Variants in KIAA0825 observed in about 807,000 individuals in gnomAD.
KIAA0825 encodes the protein KIAA0825, also known as uncharacterized protein KIAA0825.
A neutral mutation model predicts 147.6 loss-of-function variants in KIAA0825; 119 were observed. The ratio of observed to expected loss-of-function variants is 0.81; its 90% confidence interval spans 0.69 to 0.94. The LOEUF is 0.94. Ranked by LOEUF, KIAA0825 falls within the 40% of genes least tolerant of loss-of-function variation. KIAA0825 has a pLI of 0.00. For synonymous variants in KIAA0825, 470 were observed against 518.1 expected, an observed-to-expected ratio of 0.91 and a Z score of 1.26; for missense variants, 1,381 against 1,472.7, an observed-to-expected ratio of 0.94 and a Z score of 1.02.
intron 17 of KIAA0825, 130 bp from the exon 18 acceptor site, chr5:94,391,824 T>G: frequency 2.6e-6 from 2 of 768,076 alleles, no homozygotes; most frequent in Non-Finnish European, 3.9e-6. Context: ...TACGCTGAAA[T>G]AGGTAAGCCT....
chr5:94,307,568 T>G (rs1237595965), intron 20 of KIAA0825, among the ~76,000 whole-genome samples: 1 of 151,764 alleles, frequency 6.6e-6, no homozygotes, highest in African/African-American at 2.4e-5. Flanking sequence ...GTCTCCAAAA[T>G]GCGATATGCT....
intron 20 of KIAA0825, among the ~76,000 whole-genome samples, chr5:94,219,123 C>G (rs139778255): frequency 6.6e-6 from 1 of 151,960 alleles, no homozygotes; most frequent in African/African-American, 2.4e-5. Context: ...ATGATTAAAG[C>G]GCATTACATT....
chr5:94,246,458 G>A lies in KIAA0825; in HGVS notation c.3711-92334C>T, dbSNP rs78650915. Among the ~76,000 whole-genome samples, 723 of 152,188 alleles carry A rather than the reference G, an allele frequency of 4.8e-3. 4 individuals are homozygous for A. Among genetic ancestry groups the A allele is most frequent in the African/African-American group, 0.017 (699 of 41,522 alleles). ...ACCACACCGTAACCAGATAGGGTGC[G>A]TGTGTGCCTTGGGAGAGTGGGTGGG... On this transcript the variant is annotated intron_variant, in intron 20 of 20. Transcript: ENST00000682413.
At chr5:94,544,707 T>G (rs1773985639) in intron 2 of KIAA0825, among the ~76,000 whole-genome samples, 1 of 152,164 alleles carries the variant, frequency 6.6e-6, no homozygotes, top group Non-Finnish European at 1.5e-5. Flanking sequence ...ATTTTCTACC[T>G]TTTAATGTCT....
intron 10 of KIAA0825, among the ~76,000 whole-genome samples, chr5:94,467,561 C>T (rs924571462): frequency 2.0e-5 from 3 of 152,210 alleles, no homozygotes; most frequent in Non-Finnish European, 2.9e-5. Flanking sequence ...ACTGTGCCAT[C>T]GTGACCAGCA....
At chr5:94,174,686 C>A (rs1768926518) in intron 20 of KIAA0825, among the ~76,000 whole-genome samples, 1 of 152,034 alleles carries the variant, frequency 6.6e-6, no homozygotes, top group South Asian at 2.1e-4. Context: ...AAACTATAAC[C>A]CTTTTAAATA....
intron 3 of KIAA0825, among the ~76,000 whole-genome samples, chr5:94,532,504 C>CTCTTTCCTTT (rs1386796533): frequency 6.6e-6 from 1 of 151,720 alleles, no homozygotes; most frequent in African/African-American, 2.4e-5. Flanking sequence ...TCCTCCCTCC[C>CTCTTTCCTTT]TCTTTCCTTT....
intron 20 of KIAA0825, among the ~76,000 whole-genome samples, chr5:94,160,700 A>C (rs528617112): frequency 6.0e-5 from 9 of 150,132 alleles, no homozygotes; most frequent in Non-Finnish European, 1.2e-4. Flanking sequence ...TGTATATTTA[A>C]TATATAATAT....
chr5:94,161,646 T>G (rs1767598613), intron 20 of KIAA0825, among the ~76,000 whole-genome samples: 9 of 152,248 alleles, frequency 5.9e-5, no homozygotes, highest in Admixed American at 5.9e-4. Flanking sequence ...TTTTTTCACA[T>G]GTATCTTTTC....
At chr5:94,421,905 G>C (rs940331330) in intron 14 of KIAA0825, among the ~76,000 whole-genome samples, 5 of 152,146 alleles carry the variant, frequency 3.3e-5, no homozygotes, top group Admixed American at 6.6e-5. Context: ...GAAACCTAGT[G>C]AAAGTCAACA....
intron 2 of KIAA0825, among the ~76,000 whole-genome samples, chr5:94,552,335 T>G (rs1775701458): frequency 1.3e-5 from 2 of 152,164 alleles, no homozygotes; most frequent in Admixed American, 1.3e-4. Flanking sequence ...CTTCAACATC[T>G]CGTTCTCAGC....
chr5:94,455,408 T>C (rs1189200253), intron 12 of KIAA0825, among the ~76,000 whole-genome samples: 2 of 152,086 alleles, frequency 1.3e-5, no homozygotes, highest in Non-Finnish European at 2.9e-5. Context: ...ACCCTGCCCA[T>C]GTTGTTAGCT....
intron 4 of KIAA0825, 113 bp downstream of exon 4, chr5:94,523,817 A>G (rs1031313616): frequency 1.6e-6 from 1 of 610,972 alleles, no homozygotes; most frequent in Non-Finnish European, 2.7e-6. Flanking sequence ...ACAAACCCCT[A>G]TGTATGGCAG....
intron 2 of KIAA0825, among the ~76,000 whole-genome samples, chr5:94,574,439 G>A (rs765176783): frequency 6.6e-6 from 1 of 151,480 alleles, no homozygotes; most frequent in African/African-American, 2.4e-5. Context: ...AGCTACTCAG[G>A]AGGCTGAGGC....
chr5:94,472,759 A>G (rs908704594), intron 8 of KIAA0825, among the ~76,000 whole-genome samples: 8 of 152,046 alleles, frequency 5.3e-5, no homozygotes, highest in African/African-American at 1.9e-4. Flanking sequence ...AAACAAAACA[A>G]AACAAAAAAA....
chr5:94,335,088 T>G (rs1338752978), intron 20 of KIAA0825, among the ~76,000 whole-genome samples: 1 of 152,200 alleles, frequency 6.6e-6, no homozygotes, highest in African/African-American at 2.4e-5. Context: ...TTTTTTTATG[T>G]GTTTAATATC....
intron 20 of KIAA0825, among the ~76,000 whole-genome samples, chr5:94,193,649 T>C (rs1770873783): frequency 6.6e-6 from 1 of 152,224 alleles, no homozygotes; most frequent in South Asian, 2.1e-4. Context: ...TTATTAAATC[T>C]ACTTAGATCT....
At chr5:94,497,725 T>G (rs994680601) in intron 5 of KIAA0825, among the ~76,000 whole-genome samples, 3 of 152,232 alleles carry the variant, frequency 2.0e-5, no homozygotes, top group African/African-American at 7.2e-5. Flanking sequence ...AACTTTAGCA[T>G]GTATCAGAAT....
At chr5:94,377,629 C>G (rs189484834) in intron 20 of KIAA0825, among the ~76,000 whole-genome samples, 1 of 152,196 alleles carries the variant, frequency 6.6e-6, no homozygotes, top group East Asian at 1.9e-4. Flanking sequence ...AATGTACAAT[C>G]ACTGTACTTA....
Sources: gnomAD v4.1 joint callset for allele counts (sites outside exome capture counted in the v4.1 genomes callset) on GRCh38, gnomAD v4.1.1 for gene constraint, MANE v1.5 for transcripts, NCBI Gene and HGNC (gene_info 2026-07-23, HGNC 2026-07-21) for gene names.